The following SF3A3 variants were observed in gnomAD, a reference collection of about 807,000 sequenced individuals.
SF3A3 encodes the protein SAP 61.
A neutral mutation model predicts 85.8 loss-of-function variants in SF3A3; 9 were observed. The observed-to-expected ratio is 0.10, with a 90% confidence interval of 0.06 to 0.18. The LOEUF is 0.18. Ranked by LOEUF, SF3A3 falls within the 10% of genes least tolerant of loss-of-function variation. SF3A3 has a pLI of 1.00. For missense variants in SF3A3, 306 were observed against 593.3 expected (o/e 0.52, Z 5.03); for synonymous variants, 195 against 204.4 (o/e 0.95, Z 0.39).
intron 16 of SF3A3, among the ~76,000 whole-genome samples, chr1:37,958,809 G>A (rs928782045): frequency 2.0e-5 from 3 of 152,166 alleles, no homozygotes; most frequent in African/African-American, 7.2e-5. Flanking sequence ...CAAAAAAAGG[G>A]AGGCTATTGT....
chr1:37,959,080 C>CTT (rs369121020), intron 16 of SF3A3, among the ~76,000 whole-genome samples: 16 of 143,282 alleles, frequency 1.1e-4, no homozygotes, highest in South Asian at 2.2e-4. Context: ...ACTTTTTTTT[C>CTT]TTTTTTTTTT....
In SF3A3 at chr1:37,987,770, T is replaced by C; in HGVS notation, c.197+14A>G. The C allele has an allele frequency of 6.2e-7, 1 of 1,611,700 alleles. No individual in the cohort carries two copies. Among genetic ancestry groups the C allele is most frequent in the Admixed American group, 1.7e-5 (1 of 60,008 alleles). On this transcript the variant is annotated intron_variant, in intron 3 of 16. Transcript: ENST00000373019. ...GAAGCACTAACTCCTGGATTAGCTG[T>C]GACTGTCACTTACCCATCCTTATCA...
chr1:37,984,881 C>T, intron 4 of SF3A3, 102 bp from the exon 5 acceptor site: 3 of 905,052 alleles, frequency 3.3e-6, no homozygotes, highest in Non-Finnish European at 5.4e-6. Flanking sequence ...AATCTTGGCT[C>T]ACTGCAACCT....
At chr1:37,960,399 A>G in intron 15 of SF3A3, 2 of 501,914 alleles carry the variant, frequency 4.0e-6, no homozygotes, top group Non-Finnish European at 7.2e-6. Context: ...GTTGGATCAA[A>G]TATAACCAAA....
rs200340515 is a variant in SF3A3, at chr1:37,960,900, G to A, written c.1373-725C>T. ...CATCTCCTGACCTCGTGATCCACCC[G>A]CCTCGGCCTCCCAAAGTGCTGGGAT... On this transcript the variant is annotated intron_variant, in intron 15 of 16. Transcript: ENST00000373019. 3.9e-5 allele frequency among the ~76,000 whole-genome samples: 6 copies of A among 152,020 alleles called. No individual in the cohort carries two copies. In the East Asian group the frequency reaches 9.7e-4, roughly 25 times the overall value.
chr1:37,964,499 C>T (rs4653341), intron 15 of SF3A3, among the ~76,000 whole-genome samples: 137,850 of 152,146 alleles, frequency 0.91, 62,581 homozygotes, highest in East Asian at 1. Context: ...TCCAGCTACT[C>T]GGAAGGCTGA....
At chr1:37,978,080 A>T (rs1646392161) in intron 11 of SF3A3, among the ~76,000 whole-genome samples, 1 of 151,780 alleles carries the variant, frequency 6.6e-6, no homozygotes, top group Non-Finnish European at 1.5e-5. Context: ...GCTCGCGCCT[A>T]TAATCGCAGC....
intron 16 of SF3A3, 133 bp downstream of exon 16, chr1:37,959,987 C>A (rs1646246180): frequency 1.1e-5 from 6 of 540,040 alleles, no homozygotes; most frequent in South Asian, 2.7e-5. Flanking sequence ...AAGGAAAAGT[C>A]AATTTGTAGA....
Position 37,958,094 on chromosome 1 carries a change from G to A in SF3A3, c.*92C>T. The stretch of plus-strand genomic sequence containing the variant: ...CTAGACCATGAGACTACATAGCAAA[G>A]GGTCTTTAAGAGGATTTGGTTGGGA... On this transcript the variant is annotated 3_prime_UTR_variant, in exon 17 of 17. Transcript: ENST00000373019. The A allele has an allele frequency of 1.2e-6, 1 of 834,814 alleles. No individual in the cohort carries two copies. Among genetic ancestry groups the A allele is most frequent in the East Asian group, 2.4e-5 (1 of 41,060 alleles). 51.7% of individuals were successfully genotyped at this position (834,814 alleles called of 1,614,324 possible).
intron 15 of SF3A3, among the ~76,000 whole-genome samples, chr1:37,963,551 C>T (rs1029802829): frequency 6.6e-6 from 1 of 151,352 alleles, no homozygotes; most frequent in Non-Finnish European, 1.5e-5. Flanking sequence ...ATGAAACTGC[C>T]AATGATAATT....
At chr1:37,970,847 A>C (rs1646340456) in intron 12 of SF3A3, among the ~76,000 whole-genome samples, 1 of 152,220 alleles carries the variant, frequency 6.6e-6, no homozygotes, top group Admixed American at 6.5e-5. Context: ...TCTGGGACGC[A>C]TTTAAAGCAG....
At position 37,968,024 on chromosome 1, in the gene SF3A3, A is replaced by G. The variant is rs1364224079; in HGVS notation, c.1372+20T>C. ...AGCCATTTGTACTCGCCTAGGAGAC[A>G]GTAAATAAATCTTACTTACAGGAGA... On this transcript the variant is annotated intron_variant, in intron 15 of 16. Transcript: ENST00000373019. 3.3e-6 allele frequency: 5 copies of G among 1,492,746 alleles called. No homozygotes were observed. The highest frequency in any genetic ancestry group is 1.4e-5 in the African/African-American group (1 of 72,746). The allele number at this position is 1,492,746 out of a possible 1,614,324, so 92.5% of individuals were successfully genotyped here. A position where few individuals can be genotyped will look rare whatever the true frequency, so the allele number is the denominator to read the frequency against.
At chr1:37,970,261 C>T (rs916734845) in intron 12 of SF3A3, among the ~76,000 whole-genome samples, 8 of 150,942 alleles carry the variant, frequency 5.3e-5, no homozygotes, top group Middle Eastern at 3.4e-3. Flanking sequence ...GCTCTGATCC[C>T]GCCACTGCAC....
At chr1:37,988,361 A>T (rs184211425) in intron 2 of SF3A3, among the ~76,000 whole-genome samples, 38 of 152,334 alleles carry the variant, frequency 2.5e-4, no homozygotes, top group African/African-American at 9.1e-4. Flanking sequence ...AGAATTTGGA[A>T]TGTTTAAGTT....
rs1335204168 is a variant in SF3A3, at chr1:37,957,988, G to C, written c.*198C>G. 3 of 557,060 alleles carry C rather than the reference G, an allele frequency of 5.4e-6. No individual in the cohort carries two copies. Among genetic ancestry groups the C allele is most frequent in the Non-Finnish European group, 9.6e-6 (3 of 312,834 alleles). 34.5% of individuals were successfully genotyped at this position (557,060 alleles called of 1,614,324 possible). A position where few individuals can be genotyped will look rare whatever the true frequency, so the allele number is the denominator to read the frequency against. ...CAAGGTCTGGTTTTATTTTCTGGCA[G>C]AATCTTTTAAAATATAAAACAGATA... On this transcript the variant is annotated 3_prime_UTR_variant, in exon 17 of 17. Transcript: ENST00000373019.
At chr1:37,966,935 C>CTAA (rs1646304794) in intron 15 of SF3A3, among the ~76,000 whole-genome samples, 1 of 14,170 alleles carries the variant, frequency 7.1e-5, no homozygotes, top group Non-Finnish European at 9.7e-5. Context: ...AACTCCATCT[C>CTAA]AAAAAAAAAA....
In SF3A3 at chr1:37,989,599, A is replaced by G; in HGVS notation, c.97-4T>C. ...CAGAATTGATCTGGTCCCGGAGCTG[A>G]AAAAACAAACGGTGACACAAACGCC... On this transcript the variant is annotated splice_region_variant and splice_polypyrimidine_tract_variant and intron_variant, in intron 1 of 16. Transcript: ENST00000373019. 1 of 1,613,900 alleles carries G rather than the reference A, an allele frequency of 6.2e-7. No homozygotes were observed. Among genetic ancestry groups the G allele is most frequent in the Non-Finnish European group, 8.5e-7 (1 of 1,179,920 alleles).
At chr1:37,974,509 A>G (rs553801931) in intron 12 of SF3A3, among the ~76,000 whole-genome samples, 14 of 152,168 alleles carry the variant, frequency 9.2e-5, no homozygotes, top group South Asian at 4.2e-4. Context: ...TCACAGTGTT[A>G]GCCAGGATGG....
At chr1:37,968,460 T>TA (rs1646317617) in intron 14 of SF3A3, among the ~76,000 whole-genome samples, 1 of 152,196 alleles carries the variant, frequency 6.6e-6, no homozygotes, top group Non-Finnish European at 1.5e-5. Context: ...CAGGAGAACT[T>TA]ACCAAAGCCC....
Sources: gnomAD v4.1 joint callset for allele counts (sites outside exome capture counted in the v4.1 genomes callset) on GRCh38, gnomAD v4.1.1 for gene constraint, MANE v1.5 for transcripts, NCBI Gene and HGNC (gene_info 2026-07-23, HGNC 2026-07-21) for gene names.